PHF24: variants seen among roughly 807,000 people sequenced by gnomAD.
The protein encoded by PHF24 is PHD finger protein 24.
PHF24 carries 25 observed loss-of-function variants against 42.6 expected under a neutral mutation model. That is an observed-to-expected ratio of 0.59 (90% CI 0.43 to 0.82). The LOEUF is 0.82. Ranked by LOEUF, PHF24 falls within the 40% of genes least tolerant of loss-of-function variation. The probability of loss-of-function intolerance (pLI) is 0.00; values close to 1 mark genes in which losing one functional copy is unlikely to be tolerated. For missense variants in PHF24, 470 were observed against 538.1 expected (o/e 0.87, Z 1.25); for synonymous variants, 185 against 204.8 (o/e 0.90, Z 0.83).
At chr9:34,841,443 C>G in the PHF24 span, among the ~76,000 whole-genome samples, 1 of 152,066 alleles carries the variant, frequency 6.6e-6, no homozygotes, top group African/African-American at 2.4e-5. Flanking sequence ...GTTTTCAGTC[C>G]TTTTGAGTAT....
At chr9:34,692,495 C>A in the PHF24 span, among the ~76,000 whole-genome samples, 1 of 152,136 alleles carries the variant, frequency 6.6e-6, no homozygotes, top group Admixed American at 6.5e-5. Context: ...CAGTCTTTAC[C>A]TCCACTCCAC....
At chr9:34,838,119 C>T in the PHF24 span, among the ~76,000 whole-genome samples, 34 of 152,254 alleles carry the variant, frequency 2.2e-4, no homozygotes, top group Non-Finnish European at 4.4e-4. Context: ...GGTCTCTATT[C>T]AAGTCAAATG....
the PHF24 span, among the ~76,000 whole-genome samples, chr9:34,830,517 A>G: frequency 6.6e-6 from 1 of 152,198 alleles, no homozygotes; most frequent in Non-Finnish European, 1.5e-5. Flanking sequence ...AGAAGGAAGG[A>G]CAAGGTCCCC....
chr9:34,815,196 C>A, the PHF24 span, among the ~76,000 whole-genome samples: 1 of 152,240 alleles, frequency 6.6e-6, no homozygotes, highest in Non-Finnish European at 1.5e-5. Context: ...AGGGCATTAG[C>A]CTAATTGGTT....
At chr9:34,872,290 T>C in the PHF24 span, among the ~76,000 whole-genome samples, 1 of 151,392 alleles carries the variant, frequency 6.6e-6, no homozygotes, top group African/African-American at 2.4e-5. Flanking sequence ...TGTGCCATGC[T>C]GGTGCGCTGC....
the PHF24 span, among the ~76,000 whole-genome samples, chr9:34,844,121 T>A: frequency 7.2e-5 from 11 of 152,270 alleles, no homozygotes; most frequent in Admixed American, 2.0e-4. Context: ...CATTTGTATT[T>A]CTGTGGTATC....
At chr9:34,892,483 C>T in the PHF24 span, among the ~76,000 whole-genome samples, 1 of 152,176 alleles carries the variant, frequency 6.6e-6, no homozygotes. Flanking sequence ...TCTTGGGAGC[C>T]CTCAGTTGTG....
the PHF24 span, among the ~76,000 whole-genome samples, chr9:34,907,080 G>T: frequency 3.3e-5 from 5 of 152,120 alleles, no homozygotes; most frequent in African/African-American, 9.7e-5. Flanking sequence ...TCCCTCCTTG[G>T]CCTCCCAAAG....
chr9:34,770,181 C>T, the PHF24 span, among the ~76,000 whole-genome samples: 1 of 152,072 alleles, frequency 6.6e-6, no homozygotes, highest in African/African-American at 2.4e-5. Flanking sequence ...ACTGATTTGC[C>T]TTATATGTAA....
chr9:34,925,509 G>C, the PHF24 span, among the ~76,000 whole-genome samples: 1 of 151,954 alleles, frequency 6.6e-6, no homozygotes, highest in East Asian at 1.9e-4. Context: ...TTGCTTTATA[G>C]TGTGCCAAAA....
chr9:34,972,580 G>T, intron 3 of PHF24, 49 bp downstream of exon 3: 1 of 1,524,028 alleles, frequency 6.6e-7, no homozygotes. Flanking sequence ...TTTTCCTGGA[G>T]GCCCGGTCTT....
chr9:34,933,880 G>A, the PHF24 span, among the ~76,000 whole-genome samples: 1 of 151,664 alleles, frequency 6.6e-6, no homozygotes, highest in African/African-American at 2.4e-5. Flanking sequence ...TTCAAGCTGG[G>A]ATCACAGGTG....
At chr9:34,937,475 T>C in the PHF24 span, among the ~76,000 whole-genome samples, 8 of 152,128 alleles carry the variant, frequency 5.3e-5, no homozygotes, top group East Asian at 9.7e-4. Context: ...GTCATCACCA[T>C]TCCCTAATCT....
the PHF24 span, among the ~76,000 whole-genome samples, chr9:34,669,976 G>A: frequency 6.6e-6 from 1 of 152,046 alleles, no homozygotes. Context: ...TTGAATTCAG[G>A]TATGTGGCCA....
chr9:34,896,146 G>A, the PHF24 span, among the ~76,000 whole-genome samples: 2 of 152,138 alleles, frequency 1.3e-5, no homozygotes, highest in South Asian at 4.1e-4. Context: ...CTATAAGAGA[G>A]ACAGTGGATA....
At chr9:34,768,897 GGA>G in the PHF24 span, among the ~76,000 whole-genome samples, 5 of 150,224 alleles carry the variant, frequency 3.3e-5, no homozygotes, top group Admixed American at 6.6e-5. Context: ...GTAGGTGGGG[GGA>G]GAGAGAGAGA....
At chr9:34,782,988 G>A in the PHF24 span, among the ~76,000 whole-genome samples, 37 of 152,220 alleles carry the variant, frequency 2.4e-4, no homozygotes, top group African/African-American at 5.8e-4. Context: ...TCTAGGTTGC[G>A]TTTTGTTTCT....
the PHF24 span, among the ~76,000 whole-genome samples, chr9:34,783,289 G>C: frequency 6.6e-6 from 1 of 152,106 alleles, no homozygotes; most frequent in Non-Finnish European, 1.5e-5. Context: ...TTTCATGAAA[G>C]GGCCCGATAA....
chr9:34,899,806 C>T, the PHF24 span, among the ~76,000 whole-genome samples: 1 of 152,168 alleles, frequency 6.6e-6, no homozygotes, highest in Non-Finnish European at 1.5e-5. Context: ...CTGACAGGAG[C>T]TTTCAAAGGT....
Sources: gnomAD v4.1 joint callset for allele counts (sites outside exome capture counted in the v4.1 genomes callset) on GRCh38, gnomAD v4.1.1 for gene constraint, MANE v1.5 for transcripts, NCBI Gene and HGNC (gene_info 2026-07-23, HGNC 2026-07-21) for gene names.